Variants in KLHL18 observed in about 807,000 individuals in gnomAD.
KLHL18 encodes the protein kelch-like protein 18.
KLHL18 carries 38 observed loss-of-function variants against 58.5 expected under a neutral mutation model. The observed-to-expected ratio is 0.65, with a 90% CI of 0.50 to 0.85. The LOEUF is 0.85. KLHL18 is among the 40% of genes least tolerant of loss of function. KLHL18 has a pLI of 0.00. For missense variants in KLHL18, 624 were observed against 778.4 expected (o/e 0.80, Z 2.36); for synonymous variants, 303 against 301.9 (o/e 1.00, Z -0.04).
Position 47,330,118 on chromosome 3 carries a change from G to C in KLHL18, c.569G>C (p.Arg190Pro), listed in dbSNP as rs780179955. 6.2e-7 allele frequency: 1 copy of C among 1,614,104 alleles called. No homozygotes were observed. The change falls in exon 4 of 10, where the codon CGG (arginine) becomes CCG (proline). Residue 190 changes from arginine to proline, a missense_variant. Transcript: ENST00000232766. ...GAAGACGTGCTTGAGCTGGTGTCTC[G>C]GGATGAGCTGAATGTCAAATCTGAG... is the stretch of plus-strand genomic sequence containing the variant. ...PLEDVLELVS[R>P]DELNVKSEEQ...
At chr3:47,309,094 C>T (rs1307328372) in intron 1 of KLHL18, among the ~76,000 whole-genome samples, 1 of 152,228 alleles carries the variant, frequency 6.6e-6, no homozygotes, top group Admixed American at 6.5e-5. Context: ...GGGGTAAGCT[C>T]ATAGATCAAC....
chr3:47,335,362 C>T (rs987659223), intron 6 of KLHL18, among the ~76,000 whole-genome samples: 12 of 152,144 alleles, frequency 7.9e-5, no homozygotes, highest in African/African-American at 2.9e-4. Flanking sequence ...TTCAGCCCCA[C>T]CCCCTGTGAA....
intron 2 of KLHL18, among the ~76,000 whole-genome samples, 162 bp from the exon 3 acceptor site, chr3:47,322,406 A>G (rs983677329): frequency 1.3e-5 from 2 of 152,230 alleles, no homozygotes; most frequent in Admixed American, 6.5e-5. Context: ...CAATGAAGAC[A>G]ACTTGGTAGA....
At chr3:47,316,771 A>G (rs1703462771) in intron 1 of KLHL18, among the ~76,000 whole-genome samples, 1 of 124,294 alleles carries the variant, frequency 8.0e-6, no homozygotes, top group African/African-American at 4.4e-5. Flanking sequence ...GTGTGTATAT[A>G]TACATATATA....
chr3:47,343,960 G>T lies in KLHL18; in HGVS notation c.*19G>T. 1 of 1,610,504 alleles carries T rather than the reference G, an allele frequency of 6.2e-7. No individual in the cohort carries two copies. ...CATCTAAGGCAGAGGATGGGATGTG[G>T]TGGGGCAGGGATCTGGTACAGACAT... On this transcript the variant is annotated 3_prime_UTR_variant, in exon 10 of 10. Coordinates refer to ENST00000232766, the MANE Select transcript of KLHL18 (RefSeq NM_025010.5).
intron 4 of KLHL18, among the ~76,000 whole-genome samples, chr3:47,330,741 G>GT (rs1320174863): frequency 1.3e-5 from 2 of 151,918 alleles, no homozygotes; most frequent in Non-Finnish European, 2.9e-5. Flanking sequence ...TTTTTTTGTT[G>GT]TTTTTTTGAG....
At chr3:47,303,922 C>T (rs1703080600) in intron 1 of KLHL18, among the ~76,000 whole-genome samples, 2 of 151,506 alleles carry the variant, frequency 1.3e-5, no homozygotes, top group African/African-American at 4.9e-5. Context: ...GAGATGAGCT[C>T]TATCCTATGT....
At chr3:47,326,343 C>T (rs374071730) in intron 3 of KLHL18, among the ~76,000 whole-genome samples, 8 of 152,266 alleles carry the variant, frequency 5.3e-5, no homozygotes, top group East Asian at 1.9e-4. Flanking sequence ...TTCAAGTCAC[C>T]GCTTCCTGCC....
intron 6 of KLHL18, among the ~76,000 whole-genome samples, chr3:47,335,479 C>T (rs557211937): frequency 6.6e-6 from 1 of 152,218 alleles, no homozygotes; most frequent in African/African-American, 2.4e-5. Context: ...TTGGTGGGCA[C>T]TCCCAGGCAG....
intron 1 of KLHL18, among the ~76,000 whole-genome samples, chr3:47,307,898 T>C (rs532551659): frequency 6.6e-6 from 1 of 152,358 alleles, no homozygotes; most frequent in East Asian, 1.9e-4. Flanking sequence ...TCTGTTCATT[T>C]GGTCGGTTTG....
In KLHL18 at chr3:47,322,132, G is replaced by A. The variant is rs138146055; in HGVS notation, c.261-436G>A. On this transcript the variant is annotated intron_variant, in intron 2 of 9. Coordinates refer to ENST00000232766, the MANE Select transcript of KLHL18 (RefSeq NM_025010.5). ...TTCTAACAGCAATAAGATGGTAATG[G>A]CTATTATGCTTACCAATAAAGGAAA... 3.0e-4 allele frequency among the ~76,000 whole-genome samples: 45 copies of A among 152,230 alleles called. No individual in the cohort carries two copies. In the East Asian group the frequency reaches 7.5e-3, roughly 25 times the overall value.
intron 5 of KLHL18, among the ~76,000 whole-genome samples, chr3:47,333,713 TAGTC>T (rs1246980032): frequency 6.6e-6 from 1 of 152,216 alleles, no homozygotes; most frequent in Non-Finnish European, 1.5e-5. Context: ...CAGTAAATAT[TAGTC>T]AGTGCTGTGG....
At position 47,336,552 on chromosome 3, in the gene KLHL18, G is replaced by A. The variant is rs767070407; in HGVS notation, c.916G>A (p.Val306Met). The change falls in exon 7 of 10, where the codon GTG becomes ATG. Residue 306 changes from valine (V) to methionine (M), a missense_variant. By Grantham distance (21) the Val-to-Met change is conservative (BLOSUM62 1). Coordinates refer to ENST00000232766, the MANE Select transcript of KLHL18 (RefSeq NM_025010.5). ...TTATGCAGGTGATTCCCTGAATGTG[G>A]TGGAAGTGTTCGACCCCATTGCCAA... Reference protein sequence around the residue: ...LNSAGDSLNVVEVFDPIANCW... With the variant: ...LNSAGDSLNVMEVFDPIANCW... 8.1e-6 allele frequency: 13 copies of A among 1,613,702 alleles called. No individual in the cohort carries two copies. Among genetic ancestry groups the A allele is most frequent in the South Asian group, 2.2e-5 (2 of 91,086 alleles).
At position 47,310,002 on chromosome 3, in the gene KLHL18, G is replaced by C. The variant is rs1254054733; in HGVS notation, c.130-9651G>C. On this transcript the variant is annotated intron_variant, in intron 1 of 9. Coordinates refer to ENST00000232766, the MANE Select transcript of KLHL18 (RefSeq NM_025010.5). ...GTGGGGAGAGGGAGGGGGAGGGGGAGGGGGAGGTTAACTGTTCTTAATGCC... is the reference window on the plus strand; with the variant it reads ...GTGGGGAGAGGGAGGGGGAGGGGGACGGGGAGGTTAACTGTTCTTAATGCC... Among the ~76,000 whole-genome samples the C allele has an allele frequency of 2.0e-5, 3 of 151,734 alleles. No homozygotes were observed. In the East Asian group the frequency reaches 5.8e-4, roughly 29 times the overall value.
chr3:47,334,928 C>A lies in KLHL18; in HGVS notation c.898+109C>A. 9.1e-7 allele frequency: 1 copy of A among 1,101,318 alleles called. No individual in the cohort carries two copies. The highest frequency in any genetic ancestry group is 1.6e-5 in the South Asian group (1 of 62,290). The allele number at this position is 1,101,318 out of a possible 1,614,324, so 68.2% of individuals were successfully genotyped here. On this transcript the variant is annotated intron_variant, in intron 6 of 9. Coordinates refer to ENST00000232766, the MANE Select transcript of KLHL18 (RefSeq NM_025010.5). The surrounding 1 kb of genome is among the most constrained non-coding windows in gnomAD (Gnocchi z 4.7). ...GTTTCTCTGTTTTGTACTGTCACCA[C>A]CCTTGCCCCTCTTGATTTTATACAA...
rs767695426 is a variant in KLHL18, at chr3:47,333,239, G to T, written c.683G>T (p.Arg228Leu). ...CTGCCTGAGCTGCTGTCCAATATCC[G>T]CCTGCCCCTCTGTCGGCCCCAGTTC... is the stretch of plus-strand genomic sequence containing the variant. ...PYLPELLSNI[R>L]LPLCRPQFLS... is the part of the protein sequence containing the mutation. The change falls in exon 5 of 10, where the codon CGC becomes CTC. Residue 228 changes from arginine (R) to leucine (L), a missense_variant. By Grantham distance (102) the Arg-to-Leu change is moderately radical. Coordinates refer to ENST00000232766, the MANE Select transcript of KLHL18 (RefSeq NM_025010.5). 2 of 1,613,820 alleles carry T rather than the reference G, an allele frequency of 1.2e-6. No homozygotes were observed. Among genetic ancestry groups the T allele is most frequent in the African/African-American group, 1.3e-5 (1 of 74,906 alleles).
intron 1 of KLHL18, among the ~76,000 whole-genome samples, chr3:47,293,967 A>T (rs1047142212): frequency 1.3e-5 from 2 of 152,320 alleles, no homozygotes; most frequent in Admixed American, 6.5e-5. Context: ...ACTCCACAAG[A>T]GCAGGGCTGT....
intron 3 of KLHL18, among the ~76,000 whole-genome samples, chr3:47,325,199 C>T (rs1023694359): frequency 1.3e-5 from 2 of 151,196 alleles, no homozygotes; most frequent in African/African-American, 4.9e-5. Flanking sequence ...TTTTTTAAGG[C>T]GGAGCCTTGC....
intron 1 of KLHL18, among the ~76,000 whole-genome samples, chr3:47,318,022 A>T (rs1468537295): frequency 1.3e-5 from 2 of 151,890 alleles, no homozygotes; most frequent in Non-Finnish European, 1.5e-5. Context: ...GCATGCGCCC[A>T]CTAATTTTTG....
Sources: allele counts gnomAD v4.1 joint callset (sites outside exome capture counted in the v4.1 genomes callset), GRCh38; gene constraint gnomAD v4.1.1; non-coding constraint Gnocchi (gnomAD v3.1); transcripts MANE v1.5; gene names NCBI Gene and HGNC (gene_info 2026-07-23, HGNC 2026-07-21).